The following SLC38A2 variants were observed in gnomAD, a reference collection of about 807,000 sequenced individuals.
The protein encoded by SLC38A2 is sodium-coupled neutral amino acid symporter 2.
Under a neutral mutation model 61.5 loss-of-function variants are expected in SLC38A2, and 11 were observed. The observed-to-expected ratio is 0.18, with a 90% CI of 0.11 to 0.30. The LOEUF (loss-of-function observed/expected upper bound fraction) is 0.30, where lower values mean the gene tolerates loss of function less well. SLC38A2 is among the 10% of genes least tolerant of loss of function. The pLI, the probability that SLC38A2 is intolerant of heterozygous loss-of-function variation, is 1.00. For synonymous variants in SLC38A2, 217 were observed against 212.5 expected (o/e 1.02, Z -0.18); for missense variants, 522 against 600.4 (o/e 0.87, Z 1.36).
intron 12 of SLC38A2, 52 bp from the exon 13 acceptor site, chr12:46,363,197 A>G (rs760522215): frequency 8.2e-6 from 13 of 1,591,176 alleles, no homozygotes; most frequent in Admixed American, 1.7e-5. Flanking sequence ...TTGGACACCA[A>G]GTAGAAAATT....
intron 12 of SLC38A2, 114 bp from the exon 13 acceptor site, chr12:46,363,259 CTAAGAG>C: frequency 8.5e-7 from 1 of 1,177,828 alleles, no homozygotes; most frequent in Non-Finnish European, 1.2e-6. Context: ...CGACTATAAA[CTAAGAG>C]GCTAATAAGA....
At position 46,360,883 on chromosome 12, in the gene SLC38A2, C is replaced by T. The variant is rs1943073535; in HGVS notation, c.*228G>A. On this transcript the variant is annotated 3_prime_UTR_variant, in exon 16 of 16. Transcript: ENST00000256689. ...GAATAAAATTGTCACTTCCCTTAAC[C>T]CGAGACTCGTGGTTTTGTTGTTCAT... The T allele has an allele frequency of 2.1e-6, 1 of 476,630 alleles. No homozygotes were observed. The highest frequency in any genetic ancestry group is 2.0e-5 in the African/African-American group (1 of 50,202). 29.5% of individuals were successfully genotyped at this position (476,630 alleles called of 1,614,324 possible).
In SLC38A2 at chr12:46,371,286, T is replaced by G. The variant is rs777476122; in HGVS notation, c.8A>C (p.Lys3Thr). MK[K>T]AEMGRFSISP... ...AATACTGAATCGTCCCATTTCGGCC[T>G]TCTTCATGCTAAGCACTGGGAGGAA... The change falls in exon 2 of 16, where the codon AAG (lysine) becomes ACG (threonine). Residue 3 changes from lysine to threonine, a missense_variant. By Grantham distance (78) the Lys-to-Thr change is moderately conservative. Transcript: ENST00000256689. 142 of 1,613,948 alleles carry G rather than the reference T, an allele frequency of 8.8e-5. No individual in the cohort carries two copies. The highest frequency in any genetic ancestry group is 1.2e-4 in the Non-Finnish European group (136 of 1,179,896).
At chr12:46,370,705 G>T in intron 3 of SLC38A2, 71 bp downstream of exon 3, 3 of 1,538,004 alleles carry the variant, frequency 2.0e-6, no homozygotes, top group South Asian at 1.1e-5. Context: ...AGTTAGATTT[G>T]AATTCTAAAA....
chr12:46,371,434 G>C (rs949702614), intron 1 of SLC38A2, 55 bp from the exon 2 acceptor site: 1 of 669,812 alleles, frequency 1.5e-6, no homozygotes, highest in African/African-American at 1.9e-5. Context: ...CCGCGGTCAC[G>C]TGACGCCGCC....
chr12:46,361,251 C>T, intron 15 of SLC38A2, 42 bp from the exon 16 acceptor site: 2 of 1,467,466 alleles, frequency 1.4e-6, no homozygotes, highest in Non-Finnish European at 9.5e-7. Flanking sequence ...AGTAATAAAA[C>T]ATATATGCTA....
Position 46,360,822 on chromosome 12 carries a change from T to C in SLC38A2, c.*289A>G. On this transcript the variant is annotated 3_prime_UTR_variant, in exon 16 of 16. Transcript: ENST00000256689. Reference sequence around the variant, plus strand: ...CAATGACACAGCCAAGCATGTGGCTTGATAAAAGTTAAGAGTTTGTCCATT... The same window carrying C: ...CAATGACACAGCCAAGCATGTGGCTCGATAAAAGTTAAGAGTTTGTCCATT... 1 of 337,912 alleles carries C rather than the reference T, an allele frequency of 3.0e-6. No individual in the cohort carries two copies. The allele number at this position is 337,912 out of a possible 1,614,324, so 20.9% of individuals were successfully genotyped here. A position where few individuals can be genotyped will look rare whatever the true frequency, so the allele number is the denominator to read the frequency against.
At chr12:46,368,878 G>C (rs1294603947) in intron 4 of SLC38A2, among the ~76,000 whole-genome samples, 1 of 152,212 alleles carries the variant, frequency 6.6e-6, no homozygotes, top group Admixed American at 6.5e-5. Flanking sequence ...TCAACCTTCA[G>C]ATTGATTCTA....
intron 4 of SLC38A2, 77 bp from the exon 5 acceptor site, chr12:46,367,417 AATAACATTAT>A: frequency 1.2e-6 from 1 of 835,146 alleles, no homozygotes; most frequent in Non-Finnish European, 2.0e-6. Context: ...TGGATGTTTA[AATAACATTAT>A]GTGTGCAACT....
At chr12:46,364,088 A>G in intron 10 of SLC38A2, 85 bp from the exon 11 acceptor site, 1 of 1,197,528 alleles carries the variant, frequency 8.4e-7, no homozygotes, top group Non-Finnish European at 1.2e-6. Context: ...TATGTAAACA[A>G]TCTTAGAATC....
chr12:46,363,680 T>A (rs1329780272), intron 12 of SLC38A2, 46 bp downstream of exon 12: 1 of 1,292,680 alleles, frequency 7.7e-7, no homozygotes, highest in Non-Finnish European at 1.1e-6. Flanking sequence ...CAATAAGCGT[T>A]TTTTTTTGTT....
intron 4 of SLC38A2, among the ~76,000 whole-genome samples, chr12:46,369,628 C>T (rs1452033456): frequency 6.6e-6 from 1 of 152,136 alleles, no homozygotes; most frequent in African/African-American, 2.4e-5. Context: ...TCCACGGGTA[C>T]TTAAACTTAA....
intron 1 of SLC38A2, 97 bp from the exon 2 acceptor site, chr12:46,371,476 C>G: frequency 1.8e-6 from 1 of 570,262 alleles, no homozygotes; most frequent in South Asian, 2.1e-5. Context: ...TCATCCCAGG[C>G]CAGGCGAGTG....
intron 2 of SLC38A2, 68 bp downstream of exon 2, chr12:46,371,110 G>C: frequency 7.9e-7 from 1 of 1,270,970 alleles, no homozygotes; most frequent in East Asian, 2.3e-5. Flanking sequence ...TGGAAGCAGA[G>C]TCCTAGGTAA....
chr12:46,362,469 C>T, intron 14 of SLC38A2, 25 bp downstream of exon 14: 2 of 1,593,392 alleles, frequency 1.3e-6, no homozygotes, highest in Non-Finnish European at 1.7e-6. Context: ...TGTTTGAATC[C>T]ACTTGGATAC....
At position 46,371,339 on chromosome 12, in the gene SLC38A2, CT is replaced by C; in HGVS notation, c.-47del. 2 of 1,514,788 alleles carry C rather than the reference CT, an allele frequency of 1.3e-6. No homozygotes were observed. The highest frequency in any genetic ancestry group is 1.8e-6 in the Non-Finnish European group (2 of 1,090,816). 93.8% of individuals were successfully genotyped at this position (1,514,788 alleles called of 1,614,324 possible). A position where few individuals can be genotyped will look rare whatever the true frequency, so the allele number is the denominator to read the frequency against. ...GGGTGCAGCTAGTAGCGCTGGGCTC[CT>C]TTTGTCCTTGGCGGTGGGTGCAGCG... On this transcript the variant is annotated 5_prime_UTR_variant, in exon 2 of 16. Coordinates refer to ENST00000256689, the MANE Select transcript of SLC38A2 (RefSeq NM_018976.5).
Position 46,367,274 on chromosome 12 carries a change from A to G in SLC38A2, c.381T>C (p.Asn127=), listed in dbSNP as rs778744088. Residue 127 remains asparagine, a synonymous_variant, in exon 5 of 16, where the codon AAT becomes AAC. Coordinates refer to ENST00000256689, the MANE Select transcript of SLC38A2 (RefSeq NM_018976.5). ...YSVHLLLKTA[N]EGGSLLYEQL... Reference sequence around the variant, plus strand: ...TCAAGAATGCTATCATACCTCCTTCATTGGCAGTCTTCAAAAGGAGATGAA... The same window carrying G: ...TCAAGAATGCTATCATACCTCCTTCGTTGGCAGTCTTCAAAAGGAGATGAA... 1.9e-6 allele frequency: 3 copies of G among 1,596,230 alleles called. No homozygotes were observed. Among genetic ancestry groups the G allele is most frequent in the Non-Finnish European group, 2.6e-6 (3 of 1,163,974 alleles).
At position 46,358,203 on chromosome 12, in the gene SLC38A2, T is replaced by C. The variant is rs955824333; in HGVS notation, c.*2908A>G. 3.9e-5 allele frequency: 6 copies of C among 152,686 alleles called. No homozygotes were observed. The highest frequency in any genetic ancestry group is 7.2e-5 in the African/African-American group (3 of 41,450). The allele number at this position is 152,686 out of a possible 1,614,324, so 9.5% of individuals were successfully genotyped here. On this transcript the variant is annotated 3_prime_UTR_variant, in exon 16 of 16. Transcript: ENST00000256689. ...ACACTGCTACTCAGGATTAAGCATG[T>C]ATTTATTTTAGTTCAGTTAAAACAA...
chr12:46,358,817 C>T lies in SLC38A2; in HGVS notation c.*2294G>A, dbSNP rs1943050260. ...TCTATAAATAACATTACAGTTGTAA[C>T]TGAAACATCCACGGAAGACAGTAAT... On this transcript the variant is annotated 3_prime_UTR_variant, in exon 16 of 16. Coordinates refer to ENST00000256689, the MANE Select transcript of SLC38A2 (RefSeq NM_018976.5). 2 of 152,542 alleles carry T rather than the reference C, an allele frequency of 1.3e-5. No individual in the cohort carries two copies. Among genetic ancestry groups the T allele is most frequent in the Non-Finnish European group, 2.9e-5 (2 of 68,038 alleles). The allele number at this position is 152,542 out of a possible 1,614,324, so 9.4% of individuals were successfully genotyped here.
Sources: allele counts gnomAD v4.1 joint callset (sites outside exome capture counted in the v4.1 genomes callset), GRCh38; gene constraint gnomAD v4.1.1; transcripts MANE v1.5; gene names NCBI Gene and HGNC (gene_info 2026-07-23, HGNC 2026-07-21).